SLC9A9: variants seen among roughly 807,000 people sequenced by gnomAD.
The protein encoded by SLC9A9 is sodium/hydrogen exchanger 9.
A neutral mutation model predicts 77.8 loss-of-function variants in SLC9A9; 62 were observed. That is an observed-to-expected ratio of 0.80 (90% CI 0.65 to 0.98). The LOEUF is 0.98. SLC9A9 is among the 50% of genes least tolerant of loss of function. SLC9A9 has a pLI of 0.00. For synonymous variants in SLC9A9, 320 were observed against 283.5 expected, an observed-to-expected ratio of 1.13 and a Z score of -1.29; for missense variants, 775 against 774.9, an observed-to-expected ratio of 1.00 and a Z score of 0.00.
chr3:143,576,162 G>A (rs61084018), intron 7 of SLC9A9, among the ~76,000 whole-genome samples: 7,671 of 152,308 alleles, frequency 0.05, 282 homozygotes, highest in South Asian at 0.099. Context: ...GCCTGGGTTT[G>A]AATCCTGGCC....
In SLC9A9 at chr3:143,387,888, T is replaced by C. The variant is rs113859255; in HGVS notation, c.1470-5774A>G. 2.9e-3 allele frequency among the ~76,000 whole-genome samples: 436 copies of C among 152,248 alleles called. 1 individual carries two copies. Among genetic ancestry groups the C allele is most frequent in the African/African-American group, 0.01 (416 of 41,528 alleles). ...TAAAGCCAACAACTTCCATTCTGAT[T>C]CTTACCACTTAGCACCTCCAAAAAG... On this transcript the variant is annotated intron_variant, in intron 12 of 15. Coordinates refer to ENST00000316549, the MANE Select transcript of SLC9A9 (RefSeq NM_173653.4).
intron 1 of SLC9A9, among the ~76,000 whole-genome samples, chr3:143,838,107 T>A (rs2009614956): frequency 6.6e-6 from 1 of 152,214 alleles, no homozygotes; most frequent in Non-Finnish European, 1.5e-5. Flanking sequence ...ACTGAATGCA[T>A]CTTAACAGAT....
chr3:143,296,964 A>G (rs2030298724), intron 14 of SLC9A9, among the ~76,000 whole-genome samples: 1 of 152,134 alleles, frequency 6.6e-6, no homozygotes, highest in South Asian at 2.1e-4. Context: ...ATTTTCTTCC[A>G]TTCTACAGGT....
chr3:143,269,341 C>T (rs1051372481), intron 14 of SLC9A9, among the ~76,000 whole-genome samples: 19 of 152,166 alleles, frequency 1.2e-4, no homozygotes, highest in African/African-American at 1.9e-4. Context: ...ACTGTACACA[C>T]GCGTAGCTTA....
At chr3:143,400,400 C>A (rs530467488) in intron 12 of SLC9A9, among the ~76,000 whole-genome samples, 197 of 152,222 alleles carry the variant, frequency 1.3e-3, no homozygotes, top group Non-Finnish European at 2.3e-3. Flanking sequence ...CTGGATGGAA[C>A]TGGAAACTAT....
chr3:143,566,103 A>G (rs2037162783), intron 8 of SLC9A9, among the ~76,000 whole-genome samples: 1 of 152,158 alleles, frequency 6.6e-6, no homozygotes, highest in African/African-American at 2.4e-5. Context: ...CAGACAAGTG[A>G]AATCTCAACA....
chr3:143,831,958 C>A, intron 2 of SLC9A9, 61 bp downstream of exon 2: 1 of 1,463,322 alleles, frequency 6.8e-7, no homozygotes, highest in Non-Finnish European at 9.4e-7. Context: ...TATAAAGGCT[C>A]AAATATGATA....
intron 9 of SLC9A9, among the ~76,000 whole-genome samples, chr3:143,541,362 A>G (rs1011596683): frequency 6.6e-6 from 1 of 152,166 alleles, no homozygotes; most frequent in Non-Finnish European, 1.5e-5. Flanking sequence ...CTTGGAGAGA[A>G]TTCTCTAGCC....
At chr3:143,722,200 G>A (rs566001402) in intron 4 of SLC9A9, among the ~76,000 whole-genome samples, 33 of 152,220 alleles carry the variant, frequency 2.2e-4, no homozygotes, top group African/African-American at 7.0e-4. Flanking sequence ...TTGGCCGGGC[G>A]CGGTGGCTCA....
In SLC9A9 at chr3:143,670,266, C is replaced by T. The variant is rs114791606; in HGVS notation, c.650-17906G>A. ...CACTCCAAACTCCAAACTGTAGTCT[C>T]CAGATGTGGAATGTGTATATTTTCC... is the stretch of plus-strand genomic sequence containing the variant. On this transcript the variant is annotated intron_variant, in intron 5 of 15. Coordinates refer to ENST00000316549, the MANE Select transcript of SLC9A9 (RefSeq NM_173653.4). Among the ~76,000 whole-genome samples the T allele has an allele frequency of 4.2e-3, 635 of 152,302 alleles. 2 individuals are homozygous for T. The highest frequency in any genetic ancestry group is 0.012 in the African/African-American group (512 of 41,556).
intron 1 of SLC9A9, among the ~76,000 whole-genome samples, chr3:143,841,042 TTA>T (rs1441799422): frequency 6.6e-6 from 1 of 152,162 alleles, no homozygotes; most frequent in Admixed American, 6.5e-5. Flanking sequence ...AAAACAGCAA[TTA>T]TTCTAGGACT....
intron 2 of SLC9A9, among the ~76,000 whole-genome samples, chr3:143,828,566 C>T (rs1466497289): frequency 1.3e-5 from 2 of 150,380 alleles, no homozygotes; most frequent in Non-Finnish European, 3.0e-5. Context: ...CCTACCCCAA[C>T]ACACACACAC....
At chr3:143,649,810 CT>C (rs913918078) in intron 6 of SLC9A9, among the ~76,000 whole-genome samples, 13 of 151,954 alleles carry the variant, frequency 8.6e-5, no homozygotes, top group Admixed American at 2.6e-4. Flanking sequence ...AAATGGAAAA[CT>C]TTTTTTTCCA....
intron 5 of SLC9A9, among the ~76,000 whole-genome samples, chr3:143,686,069 C>A (rs1183795829): frequency 1.3e-5 from 2 of 152,132 alleles, no homozygotes; most frequent in Non-Finnish European, 2.9e-5. Flanking sequence ...TGGGAGACTG[C>A]CCTTCCAGGG....
rs371211929 is a variant in SLC9A9 at position 143,291,049 on chromosome 3, G to A, written c.1605-22069C>T. ...GAATGTTGTATGTTTAACTGAGGGC[G>A]GAAGTGCTTGGGATTGGGTGAAGCC... On this transcript the variant is annotated intron_variant, in intron 14 of 15. Transcript: ENST00000316549. 4.3e-4 allele frequency among the ~76,000 whole-genome samples: 66 copies of A among 152,330 alleles called. 2 individuals are homozygous for A. Among genetic ancestry groups the A allele is most frequent in the African/African-American group, 1.6e-3 (65 of 41,584 alleles).
chr3:143,843,889 G>A (rs1044399810), intron 1 of SLC9A9, among the ~76,000 whole-genome samples: 2 of 152,054 alleles, frequency 1.3e-5, no homozygotes, highest in Non-Finnish European at 2.9e-5. Flanking sequence ...ATTTAAATGA[G>A]TATCATTATG....
intron 14 of SLC9A9, among the ~76,000 whole-genome samples, chr3:143,314,842 G>A (rs1333089926): frequency 6.6e-6 from 1 of 152,118 alleles, no homozygotes; most frequent in African/African-American, 2.4e-5. Context: ...TCTGCTTTGG[G>A]GCAAGAGCCA....
chr3:143,578,834 G>A, intron 6 of SLC9A9, 111 bp from the exon 7 acceptor site: 1 of 1,302,442 alleles, frequency 7.7e-7, no homozygotes, highest in Non-Finnish European at 1.1e-6. Context: ...TTGGGTGCTG[G>A]TTGGAAGAGT....
chr3:143,830,547 T>C (rs1559818270), intron 2 of SLC9A9, among the ~76,000 whole-genome samples: 1 of 152,190 alleles, frequency 6.6e-6, no homozygotes, highest in Non-Finnish European at 1.5e-5. Context: ...TTCAAGAATA[T>C]AATTGCTACA....
Sources: gnomAD v4.1 joint callset for allele counts (sites outside exome capture counted in the v4.1 genomes callset) on GRCh38, gnomAD v4.1.1 for gene constraint, MANE v1.5 for transcripts, NCBI Gene and HGNC (gene_info 2026-07-23, HGNC 2026-07-21) for gene names.